SPOCK3: variants seen among roughly 807,000 people sequenced by gnomAD.
SPOCK3 encodes SPARC (osteonectin), cwcv and kazal like domains proteoglycan 3.
In SPOCK3, 30 loss-of-function variants were observed where a neutral mutation model predicts 56.6. That is an observed-to-expected ratio of 0.53 (90% confidence interval 0.40 to 0.72). The LOEUF (loss-of-function observed/expected upper bound fraction) is 0.72. SPOCK3 is among the 30% of genes least tolerant of loss of function. SPOCK3 has a pLI of 0.00. For synonymous variants in SPOCK3, 196 were observed against 183.3 expected, an observed-to-expected ratio of 1.07 and a Z score of -0.56; for missense variants, 527 against 530.0, an observed-to-expected ratio of 0.99 and a Z score of 0.06.
chr4:166,953,180 A>G (rs921130757), intron 4 of SPOCK3, among the ~76,000 whole-genome samples: 425 of 151,460 alleles, frequency 2.8e-3, no homozygotes, highest in Non-Finnish European at 4.6e-3. Context: ...TTCGCAACCT[A>G]CTCTTCTGAC....
chr4:167,084,388 TTCTC>T (rs1291950863), intron 2 of SPOCK3, among the ~76,000 whole-genome samples: 35 of 152,122 alleles, frequency 2.3e-4, no homozygotes, highest in African/African-American at 6.0e-4. Context: ...TTCTGTATAT[TTCTC>T]TCTTTTATAT....
At chr4:167,078,308 C>CTGTGTGTGTGTGTGTGTGTGTGTGTG (rs3082377) in intron 2 of SPOCK3, among the ~76,000 whole-genome samples, 1 of 105,036 alleles carries the variant, frequency 9.5e-6, no homozygotes, top group Admixed American at 1.0e-4. Context: ...GGTCATAACT[C>CTGTGTGTGTGTGTGTGTGTGTGTGTG]TGTGTGTGTG....
At chr4:166,876,351 A>G (rs1733081604) in intron 6 of SPOCK3, among the ~76,000 whole-genome samples, 1 of 152,156 alleles carries the variant, frequency 6.6e-6, no homozygotes, top group African/African-American at 2.4e-5. Flanking sequence ...ATGGCAATGG[A>G]ATTTTTTCTT....
intron 7 of SPOCK3, among the ~76,000 whole-genome samples, chr4:166,787,284 G>T (rs145854034): frequency 2.6e-5 from 4 of 152,224 alleles, no homozygotes; most frequent in African/African-American, 9.6e-5. Flanking sequence ...TTAAACAATA[G>T]ATATTAGCAT....
At chr4:167,150,360 C>A (rs1272580602) in intron 2 of SPOCK3, among the ~76,000 whole-genome samples, 2 of 151,308 alleles carry the variant, frequency 1.3e-5, no homozygotes, top group African/African-American at 4.9e-5. Flanking sequence ...AGAAAAGTTA[C>A]TGAAGAAATA....
chr4:167,007,550 T>G (rs1436620949), intron 3 of SPOCK3, among the ~76,000 whole-genome samples: 2 of 152,110 alleles, frequency 1.3e-5, no homozygotes, highest in African/African-American at 4.8e-5. Flanking sequence ...AACATGTCAG[T>G]CCTTACTGCA....
At chr4:167,194,074 C>T (rs1308562859) in intron 2 of SPOCK3, among the ~76,000 whole-genome samples, 3 of 152,282 alleles carry the variant, frequency 2.0e-5, no homozygotes, top group East Asian at 1.9e-4. Context: ...GATTGTTCCT[C>T]TGCTTTCTTC....
At chr4:166,937,059 AC>A (rs780753786) in intron 4 of SPOCK3, among the ~76,000 whole-genome samples, 69 of 152,156 alleles carry the variant, frequency 4.5e-4, no homozygotes, top group Non-Finnish European at 8.2e-4. Context: ...GCTGAATTTC[AC>A]TATGTGTAAG....
At chr4:166,966,892 T>A (rs963562259) in intron 4 of SPOCK3, among the ~76,000 whole-genome samples, 4 of 152,138 alleles carry the variant, frequency 2.6e-5, no homozygotes, top group African/African-American at 9.7e-5. Flanking sequence ...CAAAGACTGA[T>A]TCATTTAGAG....
chr4:167,072,902 A>C (rs1487277752), intron 2 of SPOCK3, among the ~76,000 whole-genome samples: 1 of 151,880 alleles, frequency 6.6e-6, no homozygotes, highest in South Asian at 2.1e-4. Flanking sequence ...ATCAAAGGCT[A>C]AATTAAGGTC....
chr4:166,959,470 G>A (rs956534971), intron 4 of SPOCK3, among the ~76,000 whole-genome samples: 6 of 152,002 alleles, frequency 3.9e-5, no homozygotes, highest in East Asian at 1.9e-4. Context: ...AAAATTAGCC[G>A]GGCATGGTGG....
At chr4:166,766,760 A>G (rs552207391) in intron 7 of SPOCK3, among the ~76,000 whole-genome samples, 2 of 152,294 alleles carry the variant, frequency 1.3e-5, no homozygotes, top group African/African-American at 2.4e-5. Context: ...TTCAGAAGGA[A>G]TGGTACCATC....
chr4:166,778,675 A>G (rs1015143185), intron 7 of SPOCK3, among the ~76,000 whole-genome samples: 3 of 152,064 alleles, frequency 2.0e-5, no homozygotes, highest in Admixed American at 6.6e-5. Flanking sequence ...ATTGTTGAAT[A>G]TGGTCTTATA....
At chr4:167,086,875 C>T (rs1758251521) in intron 2 of SPOCK3, among the ~76,000 whole-genome samples, 1 of 151,958 alleles carries the variant, frequency 6.6e-6, no homozygotes, top group Non-Finnish European at 1.5e-5. Context: ...AATGAGATTA[C>T]AAATTTAAAC....
At chr4:167,008,757 A>G (rs560221631) in intron 3 of SPOCK3, among the ~76,000 whole-genome samples, 5 of 152,150 alleles carry the variant, frequency 3.3e-5, no homozygotes, top group Non-Finnish European at 7.4e-5. Context: ...CAAATACCAC[A>G]TATTCTTACT....
rs565979787 is a variant in SPOCK3, at chr4:167,166,913, C to T, written c.189+67072G>A. Among the ~76,000 whole-genome samples, 100 of 152,142 alleles carry T rather than the reference C, an allele frequency of 6.6e-4. 1 individual carries two copies. The Middle Eastern group carries it at 0.02, about 31-fold the overall frequency. Reference sequence around the variant, plus strand: ...AGAAAGAAACTGAGTCTTTTCATAACGAATTACACTTATAGTGGAGTTCCA... The same window carrying T: ...AGAAAGAAACTGAGTCTTTTCATAATGAATTACACTTATAGTGGAGTTCCA... On this transcript the variant is annotated intron_variant, in intron 2 of 10. Transcript: ENST00000357545.
chr4:167,024,401 T>A (rs1751495917), intron 3 of SPOCK3, among the ~76,000 whole-genome samples: 1 of 152,000 alleles, frequency 6.6e-6, no homozygotes, highest in African/African-American at 2.4e-5. Context: ...TATAAAAGGG[T>A]CACAATTAAA....
At chr4:167,178,213 T>A (rs1731148543) in intron 2 of SPOCK3, among the ~76,000 whole-genome samples, 1 of 152,174 alleles carries the variant, frequency 6.6e-6, no homozygotes, top group Admixed American at 6.6e-5. Flanking sequence ...CAGGATTCAA[T>A]TTCTGTGACT....
chr4:167,012,355 A>G (rs1320774647), intron 3 of SPOCK3, among the ~76,000 whole-genome samples: 1 of 151,968 alleles, frequency 6.6e-6, no homozygotes, highest in African/African-American at 2.4e-5. Flanking sequence ...CCTGGGTATT[A>G]TATTTTATCA....
Sources: allele counts gnomAD v4.1 joint callset (sites outside exome capture counted in the v4.1 genomes callset), GRCh38; gene constraint gnomAD v4.1.1; transcripts MANE v1.5; gene names NCBI Gene and HGNC (gene_info 2026-07-23, HGNC 2026-07-21).